Variants in PRKG1 observed in about 807,000 individuals in gnomAD.
PRKG1 encodes protein kinase cGMP-dependent 1.
PRKG1 carries 35 observed loss-of-function variants against 88.1 expected under a neutral mutation model. The observed-to-expected ratio is 0.40, with a 90% CI of 0.30 to 0.53. The LOEUF (loss-of-function observed/expected upper bound fraction) is 0.53, where lower values mean the gene tolerates loss of function less well. Among genes scored for constraint, PRKG1 ranks in the 20% least tolerant of loss-of-function variants. The pLI is 0.59. For synonymous variants in PRKG1, 303 were observed against 292.5 expected (o/e 1.04, Z -0.37); for missense variants, 540 against 839.8 (o/e 0.64, Z 4.41).
At chr10:52,123,784 TCTAA>T (rs1847873092) in intron 7 of PRKG1, among the ~76,000 whole-genome samples, 1 of 152,142 alleles carries the variant, frequency 6.6e-6, no homozygotes, top group African/African-American at 2.4e-5. Context: ...GTTTAAGCTC[TCTAA>T]CTAATTTTAG....
chr10:51,363,582 G>A (rs1353967057), intron 2 of PRKG1, among the ~76,000 whole-genome samples: 1 of 151,932 alleles, frequency 6.6e-6, no homozygotes, highest in African/African-American at 2.4e-5. Flanking sequence ...TTCAGTTTAT[G>A]TATTATCTTG....
At chr10:51,776,323 T>C (rs1178385387) in intron 3 of PRKG1, among the ~76,000 whole-genome samples, 1 of 152,186 alleles carries the variant, frequency 6.6e-6, no homozygotes, top group Non-Finnish European at 1.5e-5. Flanking sequence ...AAATGCAAAA[T>C]GCACACCTTT....
intron 2 of PRKG1, among the ~76,000 whole-genome samples, chr10:51,432,415 TA>T (rs71029369): frequency 0.11 from 16,241 of 151,548 alleles, 925 homozygotes; most frequent in Middle Eastern, 0.17. Flanking sequence ...AACCAACAAA[TA>T]AAAAAAACAA....
chr10:51,555,774 A>C lies in PRKG1; in HGVS notation c.592+87938A>C, dbSNP rs576270429. On this transcript the variant is annotated intron_variant, in intron 3 of 17. Coordinates refer to ENST00000373980, the MANE Select transcript of PRKG1 (RefSeq NM_006258.4). ...CTTCTTGACTTGGTGACTTGGCTGG[A>C]AGGTAGGGGAAGAGGAAGGGTTACT... is the stretch of plus-strand genomic sequence containing the variant. Among the ~76,000 whole-genome samples the C allele has an allele frequency of 2.3e-4, 35 of 152,078 alleles. No homozygotes were observed. The South Asian group carries it at 7.3e-3, about 32-fold the overall frequency.
intron 3 of PRKG1, among the ~76,000 whole-genome samples, chr10:51,534,619 A>C (rs1842097828): frequency 6.7e-6 from 1 of 148,480 alleles, no homozygotes; most frequent in Non-Finnish European, 1.5e-5. Flanking sequence ...GTGAGCCGAG[A>C]TCACGCCACT....
At chr10:51,992,980 CT>C (rs1183739220) in intron 5 of PRKG1, among the ~76,000 whole-genome samples, 1 of 152,122 alleles carries the variant, frequency 6.6e-6, no homozygotes, top group African/African-American at 2.4e-5. Flanking sequence ...AGCGTTTGTG[CT>C]TAGTGCTTTC....
chr10:52,071,242 C>T (rs566335890), intron 7 of PRKG1, among the ~76,000 whole-genome samples: 1 of 151,888 alleles, frequency 6.6e-6, no homozygotes, highest in Non-Finnish European at 1.5e-5. Flanking sequence ...CTCCCATGGC[C>T]CAAGTAGGGA....
chr10:52,065,487 C>T (rs1221667949), intron 7 of PRKG1, among the ~76,000 whole-genome samples: 1 of 151,336 alleles, frequency 6.6e-6, no homozygotes, highest in Non-Finnish European at 1.5e-5. Context: ...GTTTTTTAAG[C>T]CACAATCAGA....
chr10:51,381,745 C>T (rs902209050), intron 2 of PRKG1, among the ~76,000 whole-genome samples: 1 of 152,148 alleles, frequency 6.6e-6, no homozygotes, highest in African/African-American at 2.4e-5. Flanking sequence ...TTGGCTTGTG[C>T]TTGCTTTCAT....
intron 2 of PRKG1, among the ~76,000 whole-genome samples, chr10:51,266,825 C>T (rs76755317): frequency 0.022 from 3,405 of 152,252 alleles, 118 homozygotes; most frequent in African/African-American, 0.077. Flanking sequence ...GTCTTTAAGA[C>T]GTATTTCTGA....
intron 3 of PRKG1, among the ~76,000 whole-genome samples, chr10:51,470,348 G>A (rs1362596393): frequency 6.6e-6 from 1 of 151,602 alleles, no homozygotes; most frequent in Non-Finnish European, 1.5e-5. Flanking sequence ...CATCCACTTG[G>A]GCGTAATAGT....
intron 1 of PRKG1, among the ~76,000 whole-genome samples, chr10:51,085,163 A>T (rs146691910): frequency 3.3e-5 from 5 of 152,348 alleles, no homozygotes; most frequent in Non-Finnish European, 7.3e-5. Context: ...TACCATGCCT[A>T]CAGGTGGCTG....
At chr10:51,118,728 G>T (rs1845193863) in intron 1 of PRKG1, among the ~76,000 whole-genome samples, 2 of 152,034 alleles carry the variant, frequency 1.3e-5, no homozygotes, top group Admixed American at 6.6e-5. Flanking sequence ...TCTTCCCTCT[G>T]CAACCTACTG....
intron 5 of PRKG1, among the ~76,000 whole-genome samples, chr10:52,037,414 G>A (rs1235760862): frequency 1.3e-5 from 2 of 152,154 alleles, no homozygotes; most frequent in East Asian, 1.9e-4. Flanking sequence ...TTTGAGGGCC[G>A]GAATTTAATT....
intron 3 of PRKG1, among the ~76,000 whole-genome samples, chr10:51,749,487 G>T (rs906555928): frequency 1.3e-5 from 2 of 152,020 alleles, no homozygotes; most frequent in African/African-American, 4.8e-5. Context: ...CTTCTTATAA[G>T]GCCATGAAAC....
intron 5 of PRKG1, among the ~76,000 whole-genome samples, chr10:51,999,315 G>C (rs546238582): frequency 3.2e-4 from 49 of 152,152 alleles, no homozygotes; most frequent in Non-Finnish European, 5.7e-4. Context: ...TGCCCGGAAG[G>C]GATGCCATCT....
intron 5 of PRKG1, among the ~76,000 whole-genome samples, chr10:51,971,496 T>A (rs766742168): frequency 5.1e-4 from 78 of 152,070 alleles, no homozygotes; most frequent in Non-Finnish European, 8.7e-4. Flanking sequence ...AAGCTTTGAA[T>A]TCAGGCAGTT....
At chr10:51,925,033 C>T (rs1842543340) in intron 5 of PRKG1, among the ~76,000 whole-genome samples, 1 of 151,358 alleles carries the variant, frequency 6.6e-6, no homozygotes, top group African/African-American at 2.4e-5. Context: ...AAAATTTCTG[C>T]CATACATGGT....
chr10:51,024,833 C>A (rs1843185499), intron 1 of PRKG1, among the ~76,000 whole-genome samples: 1 of 152,120 alleles, frequency 6.6e-6, no homozygotes, highest in Non-Finnish European at 1.5e-5. Context: ...ATCACCAGAG[C>A]AGCACCAAAG....
Sources: allele counts gnomAD v4.1 joint callset (sites outside exome capture counted in the v4.1 genomes callset), GRCh38; gene constraint gnomAD v4.1.1; transcripts MANE v1.5; gene names NCBI Gene and HGNC (gene_info 2026-07-23, HGNC 2026-07-21).